PDGFC: variants seen among roughly 807,000 people sequenced by gnomAD.
The protein encoded by PDGFC is platelet derived growth factor C.
In PDGFC, 12 loss-of-function variants were observed where a neutral mutation model predicts 35.5. The observed-to-expected ratio is 0.34, with a 90% confidence interval of 0.22 to 0.55. The LOEUF is 0.55. PDGFC is among the 20% of genes least tolerant of loss of function. The pLI is 0.91. For missense variants in PDGFC, 322 were observed against 412.4 expected (o/e 0.78, Z 1.90); for synonymous variants, 159 against 148.8 (o/e 1.07, Z -0.50).
chr4:156,902,905 C>CA (rs1470894030), intron 1 of PDGFC, among the ~76,000 whole-genome samples: 3 of 151,626 alleles, frequency 2.0e-5, no homozygotes, highest in Non-Finnish European at 2.9e-5. Flanking sequence ...CTATGCGGAG[C>CA]AAAAAAACAG....
chr4:156,825,551 AAATAATAAT>A (rs565531965), intron 2 of PDGFC, among the ~76,000 whole-genome samples: 1,002 of 93,862 alleles, frequency 0.011, 15 homozygotes, highest in South Asian at 0.018. Flanking sequence ...CCCTGTCTCC[AAATAATAAT>A]AATAATAATA....
intron 1 of PDGFC, among the ~76,000 whole-genome samples, chr4:156,893,075 T>C (rs1253148138): frequency 1.3e-5 from 2 of 152,190 alleles, no homozygotes; most frequent in African/African-American, 2.4e-5. Flanking sequence ...CTACCCCTTA[T>C]ATTTGACATT....
At chr4:156,867,287 A>G (rs943355088) in intron 1 of PDGFC, among the ~76,000 whole-genome samples, 1 of 152,204 alleles carries the variant, frequency 6.6e-6, no homozygotes, top group African/African-American at 2.4e-5. Context: ...TACAACCTGC[A>G]GCCAGCCTGC....
chr4:156,815,549 T>C (rs1205598315), intron 2 of PDGFC, among the ~76,000 whole-genome samples: 1 of 152,154 alleles, frequency 6.6e-6, no homozygotes, highest in East Asian at 1.9e-4. Context: ...GGCTGATATA[T>C]GCTAACATAG....
intron 2 of PDGFC, among the ~76,000 whole-genome samples, chr4:156,830,940 A>G (rs1008990930): frequency 6.6e-6 from 1 of 152,192 alleles, no homozygotes; most frequent in African/African-American, 2.4e-5. Context: ...TCTTTGCAGC[A>G]TGGTCCCTAC....
chr4:156,776,432 CAG>C (rs1447786110), intron 3 of PDGFC, among the ~76,000 whole-genome samples: 2 of 152,188 alleles, frequency 1.3e-5, no homozygotes, highest in Non-Finnish European at 2.9e-5. Flanking sequence ...AAACCGGAAG[CAG>C]AGTTTCTTGG....
In PDGFC at chr4:156,937,362, A is replaced by G. The variant is rs114914865; in HGVS notation, c.118+33424T>C. 5.5e-3 allele frequency among the ~76,000 whole-genome samples: 840 copies of G among 152,290 alleles called. 9 individuals carry two copies. The highest frequency in any genetic ancestry group is 0.019 in the African/African-American group (775 of 41,570). The stretch of plus-strand genomic sequence containing the variant: ...GGTATTTCTTCTGGAGACCACCACA[A>G]TGAAACCCTAAGTGAAGATTCAAAG... On this transcript the variant is annotated intron_variant, in intron 1 of 5. Coordinates refer to ENST00000502773, the MANE Select transcript of PDGFC (RefSeq NM_016205.3).
chr4:156,951,594 G>T (rs1229313855), intron 1 of PDGFC, among the ~76,000 whole-genome samples: 1 of 151,548 alleles, frequency 6.6e-6, no homozygotes, highest in African/African-American at 2.4e-5. Context: ...CAATTCAAAT[G>T]GTGTATGACA....
intron 3 of PDGFC, among the ~76,000 whole-genome samples, chr4:156,774,764 T>G (rs1247702650): frequency 6.6e-6 from 1 of 151,946 alleles, no homozygotes; most frequent in Admixed American, 6.6e-5. Context: ...GCCTCCTTCC[T>G]TGCCTGGATT....
intron 1 of PDGFC, among the ~76,000 whole-genome samples, chr4:156,857,547 A>G (rs1480990073): frequency 6.6e-6 from 1 of 152,072 alleles, no homozygotes; most frequent in Admixed American, 6.6e-5. Flanking sequence ...CTTGTCCATG[A>G]GCTTTGGTAA....
At chr4:156,891,327 G>GAAAAAAAAAA (rs1730504039) in intron 1 of PDGFC, among the ~76,000 whole-genome samples, 1 of 68,346 alleles carries the variant, frequency 1.5e-5, no homozygotes, top group Non-Finnish European at 3.7e-5. Flanking sequence ...AAAAAAAAAG[G>GAAAAAAAAAA]AAAAATACAG....
intron 1 of PDGFC, among the ~76,000 whole-genome samples, chr4:156,959,930 T>C (rs979517645): frequency 1.3e-5 from 2 of 151,978 alleles, no homozygotes; most frequent in African/African-American, 4.8e-5. Flanking sequence ...AGATTAAAGA[T>C]AAATTTTTCA....
At chr4:156,833,848 G>T (rs1341561475) in intron 2 of PDGFC, among the ~76,000 whole-genome samples, 1 of 152,174 alleles carries the variant, frequency 6.6e-6, no homozygotes, top group African/African-American at 2.4e-5. Flanking sequence ...AAGGACTGCT[G>T]TAAAGATTAG....
chr4:156,828,893 G>GTATACACAT (rs1171836452), intron 2 of PDGFC, among the ~76,000 whole-genome samples: 1 of 152,032 alleles, frequency 6.6e-6, no homozygotes. Flanking sequence ...GCTAAAGTGG[G>GTATACACAT]TATACACATT....
intron 2 of PDGFC, among the ~76,000 whole-genome samples, chr4:156,840,309 C>A (rs1729166488): frequency 6.6e-6 from 1 of 152,196 alleles, no homozygotes; most frequent in Non-Finnish European, 1.5e-5. Flanking sequence ...CCAGCCATGG[C>A]TAAAAGGGGT....
chr4:156,798,122 G>A (rs2110904838), intron 3 of PDGFC, among the ~76,000 whole-genome samples: 1 of 152,278 alleles, frequency 6.6e-6, no homozygotes, highest in African/African-American at 2.4e-5. Context: ...AACACGGGAG[G>A]CGAAGGTTGC....
rs533912664 is a variant in PDGFC at position 156,778,907 on chromosome 4, C to A, written c.496-6014G>T. Among the ~76,000 whole-genome samples the A allele has an allele frequency of 1.7e-4, 26 of 152,248 alleles. No individual in the cohort carries two copies. The South Asian group carries it at 3.1e-3, about 18-fold the overall frequency. On this transcript the variant is annotated intron_variant, in intron 3 of 5. Transcript: ENST00000502773. ...AAGTTTTCAATTCATTCATACCTAA[C>A]AAAAGGTTAGGAATGCAGATTAGGT...
chr4:156,856,732 A>G (rs1729592999), intron 1 of PDGFC, among the ~76,000 whole-genome samples: 1 of 152,104 alleles, frequency 6.6e-6, no homozygotes, highest in Non-Finnish European at 1.5e-5. Flanking sequence ...TCAACAATTC[A>G]TCCTTCACTC....
chr4:156,915,247 C>T (rs1033624893), intron 1 of PDGFC, among the ~76,000 whole-genome samples: 19 of 152,128 alleles, frequency 1.2e-4, no homozygotes, highest in Admixed American at 2.6e-4. Context: ...AAATACAAAG[C>T]GTTAGGGTTT....
Sources: allele counts gnomAD v4.1 joint callset (sites outside exome capture counted in the v4.1 genomes callset), GRCh38; gene constraint gnomAD v4.1.1; transcripts MANE v1.5; gene names NCBI Gene and HGNC (gene_info 2026-07-23, HGNC 2026-07-21).